Variants in GABRB1 observed in about 807,000 individuals in gnomAD.
GABRB1 encodes gamma-aminobutyric acid receptor subunit beta-1.
A neutral mutation model predicts 51.6 loss-of-function variants in GABRB1; 17 were observed. The ratio of observed to expected loss-of-function variants is 0.33; its 90% CI spans 0.23 to 0.49. GABRB1 has a LOEUF of 0.49. Ranked by LOEUF, GABRB1 falls within the 20% of genes least tolerant of loss-of-function variation. The pLI, the probability that GABRB1 is intolerant of heterozygous loss-of-function variation, is 0.99. For synonymous variants in GABRB1, 247 were observed against 218.9 expected (o/e 1.13, Z -1.14); for missense variants, 410 against 600.6 (o/e 0.68, Z 3.32).
chr4:47,042,304 T>C (rs902883234), intron 3 of GABRB1, among the ~76,000 whole-genome samples: 28 of 149,846 alleles, frequency 1.9e-4, no homozygotes, highest in African/African-American at 6.3e-4. Context: ...GCTGTTTCCA[T>C]AGAAACAGCT....
intron 5 of GABRB1, among the ~76,000 whole-genome samples, chr4:47,333,744 G>A (rs919210268): frequency 7.9e-5 from 12 of 151,950 alleles, no homozygotes; most frequent in Admixed American, 5.9e-4. Flanking sequence ...AGAATAGCTT[G>A]TCAAACAGAA....
intron 3 of GABRB1, among the ~76,000 whole-genome samples, chr4:47,056,383 A>C (rs1726604290): frequency 6.6e-6 from 1 of 152,206 alleles, no homozygotes. Context: ...CTGGACTAAT[A>C]GATACTGTAT....
intron 1 of GABRB1, among the ~76,000 whole-genome samples, chr4:47,021,365 G>A (rs1490048660): frequency 1.3e-5 from 2 of 152,086 alleles, no homozygotes; most frequent in East Asian, 3.8e-4. Context: ...CTTTGATTTA[G>A]TGGTTTTATT....
At chr4:47,074,971 C>A (rs1727488361) in intron 3 of GABRB1, among the ~76,000 whole-genome samples, 2 of 152,114 alleles carry the variant, frequency 1.3e-5, no homozygotes, top group Non-Finnish European at 2.9e-5. Flanking sequence ...TCCTCTCTTG[C>A]CAAGGTATGA....
At chr4:47,050,708 C>T (rs886838690) in intron 3 of GABRB1, among the ~76,000 whole-genome samples, 2 of 152,156 alleles carry the variant, frequency 1.3e-5, no homozygotes, top group Non-Finnish European at 2.9e-5. Context: ...AGTGAATTGA[C>T]AACAAATGTT....
chr4:47,246,065 C>G (rs1259583094), intron 4 of GABRB1, among the ~76,000 whole-genome samples: 1 of 140,370 alleles, frequency 7.1e-6, no homozygotes, highest in Non-Finnish European at 1.5e-5. Context: ...CCCTTACCCT[C>G]TCTCATTCTC....
At chr4:47,086,454 ATAAAT>A (rs1728067841) in intron 3 of GABRB1, among the ~76,000 whole-genome samples, 1 of 152,230 alleles carries the variant, frequency 6.6e-6, no homozygotes, top group African/African-American at 2.4e-5. Context: ...CTTTTTAAAA[ATAAAT>A]TAACTGAAAA....
At chr4:47,341,032 A>C (rs988581952) in intron 5 of GABRB1, among the ~76,000 whole-genome samples, 2 of 152,200 alleles carry the variant, frequency 1.3e-5, no homozygotes, top group Non-Finnish European at 2.9e-5. Flanking sequence ...CAAACCATGT[A>C]GTCAGTAAAT....
At chr4:47,224,346 G>T (rs1720873559) in intron 4 of GABRB1, among the ~76,000 whole-genome samples, 1 of 152,050 alleles carries the variant, frequency 6.6e-6, no homozygotes, top group Non-Finnish European at 1.5e-5. Context: ...CAGTAAAGAA[G>T]ACTTTATTCA....
At chr4:47,319,385 C>G (rs916515926) in intron 4 of GABRB1, among the ~76,000 whole-genome samples, 2 of 152,020 alleles carry the variant, frequency 1.3e-5, no homozygotes, top group Non-Finnish European at 2.9e-5. Context: ...GCACTCTTGC[C>G]TTCTTCCAGA....
At chr4:47,292,837 G>C (rs977038071) in intron 4 of GABRB1, among the ~76,000 whole-genome samples, 8 of 152,182 alleles carry the variant, frequency 5.3e-5, no homozygotes, top group Non-Finnish European at 1.5e-5. Context: ...GAGAGGGAGG[G>C]AGGGGGCTGA....
At chr4:47,407,772 C>G (rs1705401795) in intron 8 of GABRB1, among the ~76,000 whole-genome samples, 1 of 152,052 alleles carries the variant, frequency 6.6e-6, no homozygotes, top group African/African-American at 2.4e-5. Context: ...TAAACACAAA[C>G]AAATATCAAA....
Position 47,015,411 on chromosome 4 carries a change from A to C in GABRB1, c.-19-16503A>C, listed in dbSNP as rs566581597. 2.6e-5 allele frequency among the ~76,000 whole-genome samples: 4 copies of C among 152,362 alleles called. No individual in the cohort carries two copies. The South Asian group carries it at 8.3e-4, about 32-fold the overall frequency. On this transcript the variant is annotated intron_variant, in intron 1 of 3. Coordinates refer to the GABRB1 transcript ENST00000513567. ...ATATTTGAGAGAGTAACTATTATAT[A>C]TGTCAATACTGTAATATCCTTAATA... is the stretch of plus-strand genomic sequence containing the variant.
chr4:47,222,966 T>C (rs528585801), intron 4 of GABRB1, among the ~76,000 whole-genome samples: 4 of 152,226 alleles, frequency 2.6e-5, no homozygotes, highest in African/African-American at 9.6e-5. Flanking sequence ...CATGAGTACT[T>C]AAGAAAAATA....
rs1180270468 is a variant in GABRB1, at chr4:47,354,991, T to G, written c.544+34782T>G. Among the ~76,000 whole-genome samples, 33 of 135,536 alleles carry G rather than the reference T, an allele frequency of 2.4e-4. 2 individuals carry two copies. Among genetic ancestry groups the G allele is most frequent in the African/African-American group, 4.8e-4 (17 of 35,600 alleles). 88.9% of individuals were successfully genotyped at this position (135,536 alleles called of 152,430 possible). ...TTCTTTCTTCCTTTGTTTTTTTTTT[T>G]TTTTTTTTTTTTTTGACAGAATCTC... On this transcript the variant is annotated intron_variant, in intron 5 of 8. Coordinates refer to ENST00000295454, the MANE Select transcript of GABRB1 (RefSeq NM_000812.4).
intron 3 of GABRB1, among the ~76,000 whole-genome samples, chr4:47,141,200 G>C (rs544387094): frequency 2.5e-4 from 38 of 151,998 alleles, no homozygotes; most frequent in African/African-American, 8.7e-4. Flanking sequence ...CTTCAGGAAA[G>C]AGGTAAAATC....
intron 4 of GABRB1, among the ~76,000 whole-genome samples, chr4:47,248,063 T>G (rs1020302327): frequency 1.3e-5 from 2 of 152,060 alleles, no homozygotes; most frequent in African/African-American, 4.8e-5. Flanking sequence ...AGAGGAGTGG[T>G]GAGAGTGAAC....
At chr4:47,077,892 A>G (rs1366876949) in intron 3 of GABRB1, among the ~76,000 whole-genome samples, 4 of 139,170 alleles carry the variant, frequency 2.9e-5, no homozygotes, top group South Asian at 2.1e-4. Flanking sequence ...TTTTATATAT[A>G]TTATATGTAT....
chr4:47,322,815 AC>A (rs1237707144), intron 5 of GABRB1, among the ~76,000 whole-genome samples: 1 of 152,126 alleles, frequency 6.6e-6, no homozygotes, highest in Non-Finnish European at 1.5e-5. Flanking sequence ...TACTAAAAAT[AC>A]AAAAATTAGC....
Sources: allele counts gnomAD v4.1 joint callset (sites outside exome capture counted in the v4.1 genomes callset), GRCh38; gene constraint gnomAD v4.1.1; transcripts MANE v1.5; gene names NCBI Gene and HGNC (gene_info 2026-07-23, HGNC 2026-07-21).